GPSM2: variants seen among roughly 807,000 people sequenced by gnomAD.
GPSM2 encodes G protein signaling modulator 2.
A neutral mutation model predicts 78.4 loss-of-function variants in GPSM2; 58 were observed. The observed-to-expected ratio is 0.74, with a 90% CI of 0.60 to 0.92. GPSM2 has a LOEUF of 0.92. Ranked by LOEUF, GPSM2 falls within the 40% of genes least tolerant of loss-of-function variation. GPSM2 has a pLI of 0.00. For missense variants in GPSM2, 700 were observed against 815.5 expected, an observed-to-expected ratio of 0.86 and a Z score of 1.73; for synonymous variants, 224 against 280.2, an observed-to-expected ratio of 0.80 and a Z score of 2.00.
In GPSM2 at chr1:108,930,337, G is replaced by GTTGT. The variant is rs1174347428; in HGVS notation, c.*401_*404dup. 6.1e-6 allele frequency: 1 copy of GTTGT among 164,796 alleles called. No individual in the cohort carries two copies. Among genetic ancestry groups the GTTGT allele is most frequent in the Admixed American group, 6.0e-5 (1 of 16,590 alleles). The allele number at this position is 164,796 out of a possible 1,614,324, so 10.2% of individuals were successfully genotyped here. On this transcript the variant is annotated 3_prime_UTR_variant, in exon 15 of 15. Transcript: ENST00000264126. ...AACCATGGATGTAGTGGGAAACAAT[G>GTTGT]TTGTTTGGTAAAAATAATGTACTTG...
chr1:108,929,168 G>T (rs1377549507), intron 14 of GPSM2, among the ~76,000 whole-genome samples: 1 of 152,118 alleles, frequency 6.6e-6, no homozygotes, highest in Non-Finnish European at 1.5e-5. Context: ...CAGCCATATA[G>T]ATAGTATATA....
rs1432134888 is a variant in GPSM2, at chr1:108,929,454, A to AT, written c.1816-246dup. 48 of 526,142 alleles carry AT rather than the reference A, an allele frequency of 9.1e-5. 1 individual carries two copies. Among genetic ancestry groups the AT allele is most frequent in the Non-Finnish European group, 1.5e-4 (45 of 294,546 alleles). 32.6% of individuals were successfully genotyped at this position (526,142 alleles called of 1,614,324 possible). A position where few individuals can be genotyped will look rare whatever the true frequency, so the allele number is the denominator to read the frequency against. On this transcript the variant is annotated intron_variant, in intron 14 of 14. Transcript: ENST00000264126. ...TTAACATAATGCACGTACTAAACCA[A>AT]TGAAGCAGCTATACCTATATAAGCC...
Position 108,931,702 on chromosome 1 carries a change from C to A in GPSM2, c.*1762C>A. On this transcript the variant is annotated 3_prime_UTR_variant, in exon 15 of 15. Transcript: ENST00000264126. ...CATGTATACTATAAGGTATGATGTC[C>A]TGGATAGCATTTTAAAAACTCAGGT... is the stretch of plus-strand genomic sequence containing the variant. The A allele has an allele frequency of 2.0e-6, 1 of 507,802 alleles. No individual in the cohort carries two copies. The highest frequency in any genetic ancestry group is 3.0e-6 in the Non-Finnish European group (1 of 338,080). 31.5% of individuals were successfully genotyped at this position (507,802 alleles called of 1,614,324 possible). A position where few individuals can be genotyped will look rare whatever the true frequency, so the allele number is the denominator to read the frequency against.
At chr1:108,884,762 TG>T (rs1477662908) in intron 1 of GPSM2, among the ~76,000 whole-genome samples, 1 of 152,244 alleles carries the variant, frequency 6.6e-6, no homozygotes, top group African/African-American at 2.4e-5. Context: ...AAATGTCTTT[TG>T]TACCTACCCA....
At chr1:108,921,068 C>T (rs1372150807) in intron 12 of GPSM2, among the ~76,000 whole-genome samples, 1 of 152,094 alleles carries the variant, frequency 6.6e-6, no homozygotes, top group African/African-American at 2.4e-5. Context: ...CCAGGAACCC[C>T]GGTGTCATGC....
At chr1:108,908,941 C>A (rs1649487890) in intron 10 of GPSM2, among the ~76,000 whole-genome samples, 1 of 151,890 alleles carries the variant, frequency 6.6e-6, no homozygotes, top group South Asian at 2.1e-4. Context: ...GAGTTTAGAC[C>A]GACCTGGGCA....
rs377658968 is a variant in GPSM2, at chr1:108,918,705, G to A, written c.1356G>A (p.Gly452=). 2.7e-5 allele frequency: 44 copies of A among 1,613,302 alleles called. 1 individual carries two copies. The highest frequency in any genetic ancestry group is 1.7e-4 in the Middle Eastern group (1 of 6,060). The stretch of plus-strand genomic sequence containing the variant: ...TACTCTTTGTCAACAGACTGAAGGG[G>A]AAAAAATACAAAACGAATTCCTCCA... The part of the protein sequence containing the change: ...AKLLFVNRLK[G]KKYKTNSSTK... Residue 452 remains glycine (G), a synonymous_variant, in exon 12 of 15, where the codon GGG becomes GGA. Coordinates refer to ENST00000264126, the MANE Select transcript of GPSM2 (RefSeq NM_013296.5).
intron 10 of GPSM2, among the ~76,000 whole-genome samples, chr1:108,905,782 G>A (rs1318960561): frequency 2.0e-5 from 3 of 151,966 alleles, no homozygotes; most frequent in South Asian, 4.1e-4. Flanking sequence ...TGATAAAAAC[G>A]TTTTACATCT....
At chr1:108,922,660 A>G (rs1650810270) in intron 13 of GPSM2, 84 bp downstream of exon 13, 5 of 1,074,914 alleles carry the variant, frequency 4.7e-6, no homozygotes, top group African/African-American at 1.6e-5. Flanking sequence ...AATTCCCATC[A>G]TAAGAGATAT....
chr1:108,913,713 T>C (rs1441143484), intron 10 of GPSM2, among the ~76,000 whole-genome samples: 4 of 152,226 alleles, frequency 2.6e-5, no homozygotes, highest in African/African-American at 9.6e-5. Flanking sequence ...AATGTTTCTT[T>C]TTTTAAGCTG....
At chr1:108,911,312 G>C (rs1406287417) in intron 10 of GPSM2, among the ~76,000 whole-genome samples, 2 of 152,148 alleles carry the variant, frequency 1.3e-5, no homozygotes, top group African/African-American at 4.8e-5. Context: ...TGGATCACTT[G>C]AGATCAGAAG....
At chr1:108,915,282 A>C (rs1269519104) in intron 11 of GPSM2, among the ~76,000 whole-genome samples, 2 of 148,042 alleles carry the variant, frequency 1.4e-5, no homozygotes, top group Non-Finnish European at 3.0e-5. Flanking sequence ...GAGGCAGGAG[A>C]ATCGCTTGAA....
At position 108,885,585 on chromosome 1, in the gene GPSM2, C is replaced by CT; in HGVS notation, c.56+8dup. The CT allele has an allele frequency of 1.3e-6, 2 of 1,519,074 alleles. No homozygotes were observed. The highest frequency in any genetic ancestry group is 1.8e-6 in the Non-Finnish European group (2 of 1,093,542). 94.1% of individuals were successfully genotyped at this position (1,519,074 alleles called of 1,614,324 possible). On this transcript the variant is annotated splice_region_variant and intron_variant, in intron 2 of 14. Coordinates refer to ENST00000264126, the MANE Select transcript of GPSM2 (RefSeq NM_013296.5). ...CTTTTCATGTTCGTTACAGGTAAGA[C>CT]TATTGCTGTCTTAATGGATGACTTT...
At chr1:108,906,146 C>G (rs977075935) in intron 10 of GPSM2, among the ~76,000 whole-genome samples, 12 of 151,980 alleles carry the variant, frequency 7.9e-5, no homozygotes, top group African/African-American at 1.2e-4. Flanking sequence ...TCCTGTACCC[C>G]ACCCTATCTC....
chr1:108,922,950 G>A (rs981564989), intron 13 of GPSM2, among the ~76,000 whole-genome samples: 2 of 152,052 alleles, frequency 1.3e-5, no homozygotes, highest in African/African-American at 4.8e-5. Context: ...TGCAATGATC[G>A]CGTTTGTGAA....
rs1648463023 is a variant in GPSM2, at chr1:108,897,498, T to C, written c.285T>C (p.Ile95=). The change falls in exon 4 of 15, where the codon ATT becomes ATC. Residue 95 remains isoleucine, a synonymous_variant. Coordinates refer to ENST00000264126, the MANE Select transcript of GPSM2 (RefSeq NM_013296.5). ...TGTTTTTTGTTTTTTTCAGGACTATTGGAGACCAGCTGGGGGAAGCGAAAG... is the reference window on the plus strand; with the variant it reads ...TGTTTTTTGTTTTTTTCAGGACTATCGGAGACCAGCTGGGGGAAGCGAAAG... ...HHHDLTLART[I]GDQLGEAKAS... is the part of the protein sequence containing the mutation. 4 of 1,612,870 alleles carry C rather than the reference T, an allele frequency of 2.5e-6. No homozygotes were observed. In the African/African-American group the frequency reaches 4.0e-5, roughly 16 times the overall value.
At chr1:108,915,716 C>A (rs58126959) in intron 11 of GPSM2, among the ~76,000 whole-genome samples, 2,191 of 152,076 alleles carry the variant, frequency 0.014, 50 homozygotes, top group African/African-American at 0.049. Flanking sequence ...TGAGCCACTG[C>A]TCCTGGCCTT....
chr1:108,924,910 G>T (rs1651009547), intron 14 of GPSM2, among the ~76,000 whole-genome samples: 1 of 152,196 alleles, frequency 6.6e-6, no homozygotes, highest in Admixed American at 6.5e-5. Flanking sequence ...ACTGATGGAA[G>T]AACGTAGAGT....
intron 10 of GPSM2, among the ~76,000 whole-genome samples, chr1:108,910,378 T>G (rs925094600): frequency 2.0e-5 from 3 of 150,222 alleles, no homozygotes; most frequent in Admixed American, 2.0e-4. Flanking sequence ...TTATAATACC[T>G]TACACAAAAA....
Sources: allele counts gnomAD v4.1 joint callset (sites outside exome capture counted in the v4.1 genomes callset), GRCh38; gene constraint gnomAD v4.1.1; transcripts MANE v1.5; gene names NCBI Gene and HGNC (gene_info 2026-07-23, HGNC 2026-07-21).